Variants in DMD observed in about 807,000 individuals in gnomAD.
DMD encodes mutant dystrophin.
Under a neutral mutation model 330.1 loss-of-function variants are expected in DMD, and 63 were observed. The observed-to-expected ratio is 0.19, with a 90% confidence interval of 0.16 to 0.24. The LOEUF is 0.24. Ranked by LOEUF, DMD falls within the 10% of genes least tolerant of loss-of-function variation. The pLI, the probability that DMD is intolerant of heterozygous loss-of-function variation, is 1.00. For missense variants in DMD, 3,344 were observed against 2,684.1 expected (o/e 1.25, Z -5.43); for synonymous variants, 1,223 against 959.8 (o/e 1.27, Z -5.07).
intron 41 of DMD, among the ~76,000 whole-genome samples, chrX:32,327,173 G>T (rs1339362463): frequency 1.2e-5 from 1 of 81,089 alleles, no homozygotes; most frequent in African/African-American, 4.9e-5. Flanking sequence ...GTCCCATTTT[G>T]ACTTCAAAGC....
At chrX:32,431,433 T>C (rs1272043114) in intron 29 of DMD, among the ~76,000 whole-genome samples, 4 of 111,192 alleles carry the variant, frequency 3.6e-5, no homozygotes, top group Admixed American at 1.9e-4. Flanking sequence ...TTTTTTTATA[T>C]TGAATAATAA....
intron 1 of DMD, among the ~76,000 whole-genome samples, chrX:33,106,046 TACACACACCACACACAC>T (rs1358122312): frequency 4.6e-4 from 10 of 21,817 alleles, no homozygotes; most frequent in South Asian, 2.2e-3. Context: ...AAATGTGAGA[TACACACACCACACACAC>T]ACACACACAC....
At position 31,320,582 on chromosome X, in the gene DMD, G is replaced by A. The variant is rs947586108; in HGVS notation, c.9224+3016C>T. On this transcript the variant is annotated intron_variant, in intron 62 of 78. Coordinates refer to ENST00000357033, the MANE Select transcript of DMD (RefSeq NM_004006.3). ...CAAGACGGCATCTCAGATTATGAAC[G>A]GCATTAAGCTGTGCATAAAGTCCAC... 6.3e-5 allele frequency among the ~76,000 whole-genome samples: 7 copies of A among 111,515 alleles called. No individual in the cohort carries two copies. In the South Asian group the frequency reaches 1.1e-3, roughly 18 times the overall value.
chrX:32,856,741 G>T (rs2081596268), intron 2 of DMD, among the ~76,000 whole-genome samples: 1 of 111,501 alleles, frequency 9.0e-6, no homozygotes, highest in East Asian at 2.8e-4. Flanking sequence ...GATCTATTTG[G>T]CAACACAAGA....
At chrX:32,152,746 A>C (rs1273402277) in intron 44 of DMD, among the ~76,000 whole-genome samples, 1 of 111,991 alleles carries the variant, frequency 8.9e-6, no homozygotes, top group Non-Finnish European at 1.9e-5. Flanking sequence ...GGAAAAGAAA[A>C]TAGTTTTAAA....
At chrX:32,190,048 G>C (rs2096966037) in intron 44 of DMD, among the ~76,000 whole-genome samples, 1 of 110,542 alleles carries the variant, frequency 9.0e-6, no homozygotes, top group East Asian at 2.8e-4. Context: ...TTTTCAACTA[G>C]GGATGATTTT....
intron 29 of DMD, among the ~76,000 whole-genome samples, chrX:32,412,511 T>G (rs768996008): frequency 4.4e-5 from 5 of 112,433 alleles, no homozygotes; most frequent in Non-Finnish European, 9.4e-5. Context: ...CAATTGGGTT[T>G]ATGTTACTGC....
intron 61 of DMD, among the ~76,000 whole-genome samples, chrX:31,344,299 G>T (rs1381301637): frequency 9.0e-6 from 1 of 111,377 alleles, no homozygotes. Flanking sequence ...AAGAATCTGA[G>T]ATATTTGTAA....
rs771291386 is a variant in DMD at position 32,360,464 on chromosome X, CAT to C, written c.5325+2322_5325+2323del. On this transcript the variant is annotated intron_variant, in intron 37 of 78. Coordinates refer to ENST00000357033, the MANE Select transcript of DMD (RefSeq NM_004006.3). ...AAAAACAAATACTTTGAAAAGCAAA[CAT>C]GTGATTATTTTGTTAATTAACATAT... Among the ~76,000 whole-genome samples, 120 of 111,397 alleles carry C rather than the reference CAT, an allele frequency of 1.1e-3. No individual in the cohort carries two copies. The Middle Eastern group carries it at 0.019, about 17-fold the overall frequency.
chrX:32,336,044 GTA>G (rs1292289319), intron 41 of DMD, among the ~76,000 whole-genome samples: 6 of 97,861 alleles, frequency 6.1e-5, no homozygotes, highest in African/African-American at 8.5e-5. Context: ...TATATAACGT[GTA>G]TATATAACGT....
chrX:31,179,259 C>G (rs890713883), intron 69 of DMD, among the ~76,000 whole-genome samples: 1 of 112,485 alleles, frequency 8.9e-6, no homozygotes, highest in Non-Finnish European at 1.9e-5. Context: ...CTGACCATCT[C>G]TATAAGAGGA....
chrX:31,484,764 A>G (rs1396277284), intron 57 of DMD, among the ~76,000 whole-genome samples: 1 of 111,996 alleles, frequency 8.9e-6, no homozygotes, highest in Non-Finnish European at 1.9e-5. Context: ...GTACTGGCCA[A>G]CCGGGTGACT....
intron 43 of DMD, among the ~76,000 whole-genome samples, chrX:32,238,163 C>A (rs1285324900): frequency 9.0e-6 from 1 of 111,689 alleles, no homozygotes; most frequent in Non-Finnish European, 1.9e-5. Flanking sequence ...CAAGTCATTC[C>A]AAAATTTAGC....
intron 63 of DMD, among the ~76,000 whole-genome samples, chrX:31,256,941 A>G (rs1455902990): frequency 9.0e-6 from 1 of 110,998 alleles, no homozygotes; most frequent in East Asian, 2.8e-4. Context: ...GGAATGAAAA[A>G]GAAAACCACC....
intron 47 of DMD, among the ~76,000 whole-genome samples, chrX:31,913,739 C>CAAAACA (rs1556996829): frequency 3.8e-5 from 3 of 79,811 alleles, no homozygotes; most frequent in African/African-American, 2.5e-4. Flanking sequence ...AAAACAAAAA[C>CAAAACA]AAAACAAAAC....
rs2095099066 is a variant in DMD at position 33,092,533 on chromosome X, T to C, written c.32-72333A>G. ...CTTGTCTCTGAAAATAAGAATTTTA[T>C]AATTGGTCTTATTTTCCGTTTTCTT... On this transcript the variant is annotated intron_variant, in intron 1 of 78. Transcript: ENST00000357033. Among the ~76,000 whole-genome samples the C allele has an allele frequency of 2.7e-5, 3 of 111,840 alleles. No homozygotes were observed. The Admixed American group carries it at 2.9e-4, about 11-fold the overall frequency.
chrX:31,474,103 T>A (rs1346264913), intron 59 of DMD, among the ~76,000 whole-genome samples: 1 of 112,080 alleles, frequency 8.9e-6, no homozygotes, highest in Non-Finnish European at 1.9e-5. Flanking sequence ...ATTCTCTTAG[T>A]GAGCAATATA....
At chrX:32,438,598 G>C (rs990398679) in intron 28 of DMD, among the ~76,000 whole-genome samples, 2 of 111,572 alleles carry the variant, frequency 1.8e-5, no homozygotes, top group African/African-American at 6.5e-5. Flanking sequence ...GATTATGACA[G>C]TGTTGCGGAC....
chrX:32,390,658 T>G (rs905025476), intron 30 of DMD, among the ~76,000 whole-genome samples: 2 of 111,187 alleles, frequency 1.8e-5, no homozygotes, highest in African/African-American at 6.6e-5. Flanking sequence ...ATGTGGAAAA[T>G]ACTCCTTAAT....
Sources: gnomAD v4.1 joint callset for allele counts (sites outside exome capture counted in the v4.1 genomes callset) on GRCh38, gnomAD v4.1.1 for gene constraint, MANE v1.5 for transcripts, NCBI Gene and HGNC (gene_info 2026-07-23, HGNC 2026-07-21) for gene names.